ZDHHC2: variants seen among roughly 807,000 people sequenced by gnomAD.
ZDHHC2 encodes zDHHC palmitoyltransferase 2.
In ZDHHC2, 51 loss-of-function variants were observed where a neutral mutation model predicts 55.6. The observed-to-expected ratio is 0.92, with a 90% CI of 0.73 to 1.16. ZDHHC2 has a LOEUF of 1.16. ZDHHC2 is among the 50% of genes most tolerant of loss of function. The probability of loss-of-function intolerance (pLI) is 0.00; values close to 1 mark genes in which losing one functional copy is unlikely to be tolerated. For missense variants in ZDHHC2, 491 were observed against 442.4 expected (o/e 1.11, Z -0.99); for synonymous variants, 199 against 152.9 (o/e 1.30, Z -2.22).
At chr8:17,199,509 T>TTCGTCTTCTTCTTCG (rs1554466016) in intron 6 of ZDHHC2, among the ~76,000 whole-genome samples, 2 of 121,116 alleles carry the variant, frequency 1.7e-5, no homozygotes, top group African/African-American at 7.3e-5. Flanking sequence ...CTTCTTCTTC[T>TTCGTCTTCTTCTTCG]TCTTCGTCTT....
In ZDHHC2 at chr8:17,210,393, G is replaced by GTGAT. The variant is rs1344295270; in HGVS notation, c.864_867dup (p.Gly290Ter). 1 of 1,612,876 alleles carries GTGAT rather than the reference G, an allele frequency of 6.2e-7. No individual in the cohort carries two copies. The highest frequency in any genetic ancestry group is 2.2e-5 in the East Asian group (1 of 44,822). ...AATTTTTATTTTAATTCTAGTCTAG[G>GTGAT]TGATGGCTGCTCCTTTCCAACTTGC... On this transcript the variant is annotated frameshift_variant, in exon 10 of 13. Transcript: ENST00000262096. LOFTEE classifies it high-confidence loss of function.
At chr8:17,217,304 G>A (rs1807696637) in intron 12 of ZDHHC2, 58 bp downstream of exon 12, 3 of 1,208,922 alleles carry the variant, frequency 2.5e-6, no homozygotes, top group Admixed American at 5.0e-5. Flanking sequence ...ATTTTATTAG[G>A]GCAAATAGTT....
At chr8:17,203,778 G>T (rs1488064295) in intron 6 of ZDHHC2, among the ~76,000 whole-genome samples, 1 of 150,898 alleles carries the variant, frequency 6.6e-6, no homozygotes, top group African/African-American at 2.4e-5. Flanking sequence ...TCCATACAAT[G>T]TGCACGCACA....
chr8:17,156,969 C>A (rs1289549813), intron 1 of ZDHHC2, 116 bp downstream of exon 1: 4 of 980,796 alleles, frequency 4.1e-6, no homozygotes, highest in South Asian at 2.4e-5. Flanking sequence ...GCGCTGCCAA[C>A]CTGCCGCGTC....
rs537390111 is a variant in ZDHHC2, at chr8:17,195,198, A to G, written c.253-306A>G. Among the ~76,000 whole-genome samples, 100 of 152,274 alleles carry G rather than the reference A, an allele frequency of 6.6e-4. 1 individual carries two copies. Among genetic ancestry groups the G allele is most frequent in the South Asian group, 6.4e-3 (31 of 4,826 alleles). ...GCCATCTTATCTATCAATGTAACTC[A>G]TATTTTGTTGGAACTCTACGGTTTA... On this transcript the variant is annotated intron_variant, in intron 3 of 12. Transcript: ENST00000262096.
intron 1 of ZDHHC2, among the ~76,000 whole-genome samples, chr8:17,160,841 A>C (rs1206704116): frequency 6.6e-6 from 1 of 152,228 alleles, no homozygotes; most frequent in African/African-American, 2.4e-5. Context: ...AAGATACTTT[A>C]ACAAATGGGC....
rs925011462 is a variant in ZDHHC2, at chr8:17,220,852, G to A, written c.*631G>A. ...TAATTCCAGCCTTTTGTTTTCTGCT[G>A]GAAAATAAGTGTGGACATTGAAGCT... On this transcript the variant is annotated 3_prime_UTR_variant, in exon 13 of 13. Coordinates refer to ENST00000262096, the MANE Select transcript of ZDHHC2 (RefSeq NM_016353.5). 6 of 152,092 alleles carry A rather than the reference G, an allele frequency of 3.9e-5. No homozygotes were observed. Among genetic ancestry groups the A allele is most frequent in the African/African-American group, 7.2e-5 (3 of 41,416 alleles). 9.4% of individuals were successfully genotyped at this position (152,092 alleles called of 1,614,324 possible). A position where few individuals can be genotyped will look rare whatever the true frequency, so the allele number is the denominator to read the frequency against.
intron 1 of ZDHHC2, among the ~76,000 whole-genome samples, chr8:17,175,341 A>G (rs1805077194): frequency 6.6e-6 from 1 of 152,184 alleles, no homozygotes; most frequent in Non-Finnish European, 1.5e-5. Flanking sequence ...TAATTCACCC[A>G]CATTGTAATT....
rs1563161593 is a variant in ZDHHC2 at position 17,199,593 on chromosome 8, T to G, written c.476+1180T>G. 1.8e-3 allele frequency among the ~76,000 whole-genome samples: 88 copies of G among 50,086 alleles called. 10 individuals are homozygous for G. Among genetic ancestry groups the G allele is most frequent in the Non-Finnish European group, 4.6e-3 (60 of 13,126 alleles). The allele number at this position is 50,086 out of a possible 152,430, so 32.9% of individuals were successfully genotyped here. ...GTCTTTGTCTTCTTCTTCTTCTTTC[T>G]TCTTCTTTATTCTTTCTTCTTCTTC... is the stretch of plus-strand genomic sequence containing the variant. On this transcript the variant is annotated intron_variant, in intron 6 of 12. Transcript: ENST00000262096.
intron 3 of ZDHHC2, among the ~76,000 whole-genome samples, chr8:17,195,020 A>G (rs1473006236): frequency 2.6e-5 from 4 of 152,226 alleles, no homozygotes; most frequent in Non-Finnish European, 4.4e-5. Flanking sequence ...ATAAATAATT[A>G]GACCCTTTAG....
At chr8:17,164,375 CA>C (rs776862656) in intron 1 of ZDHHC2, among the ~76,000 whole-genome samples, 11 of 152,158 alleles carry the variant, frequency 7.2e-5, no homozygotes, top group Non-Finnish European at 1.0e-4. Context: ...GATTGGATTA[CA>C]TTTTTAAAAT....
chr8:17,157,750 C>G (rs1317899599), intron 1 of ZDHHC2, among the ~76,000 whole-genome samples: 2 of 152,128 alleles, frequency 1.3e-5, no homozygotes, highest in African/African-American at 4.8e-5. Flanking sequence ...GACCTTTCTG[C>G]CAGTGACTTG....
chr8:17,179,380 T>C (rs1230132626), intron 1 of ZDHHC2, among the ~76,000 whole-genome samples: 1 of 152,166 alleles, frequency 6.6e-6, no homozygotes, highest in African/African-American at 2.4e-5. Context: ...GATTTTAAGA[T>C]GAAGTTCTTT....
rs1429626674 is a variant in ZDHHC2 at position 17,224,443 on chromosome 8, GA to G, written c.*4227del. 6.6e-6 allele frequency: 1 copy of G among 151,464 alleles called. No homozygotes were observed. The allele number at this position is 151,464 out of a possible 1,614,324, so 9.4% of individuals were successfully genotyped here. ...TTATGGCTAGTTCCCTTTTGCTCAG[GA>G]AAAATAGTACTACTTTATGGTTTAT... is the stretch of plus-strand genomic sequence containing the variant. On this transcript the variant is annotated 3_prime_UTR_variant, in exon 13 of 13. Coordinates refer to ENST00000262096, the MANE Select transcript of ZDHHC2 (RefSeq NM_016353.5).
intron 4 of ZDHHC2, 122 bp downstream of exon 4, chr8:17,195,746 C>A: frequency 1.5e-6 from 2 of 1,318,382 alleles, no homozygotes; most frequent in South Asian, 2.8e-5. Flanking sequence ...TGTGTTATTT[C>A]TTGGATTGCT....
At chr8:17,192,779 C>G (rs1317324656) in intron 3 of ZDHHC2, among the ~76,000 whole-genome samples, 1 of 152,170 alleles carries the variant, frequency 6.6e-6, no homozygotes, top group Non-Finnish European at 1.5e-5. Context: ...AGTCTTTAAT[C>G]CATTTTGATT....
chr8:17,181,475 T>C (rs1805430115), intron 1 of ZDHHC2, among the ~76,000 whole-genome samples: 1 of 152,174 alleles, frequency 6.6e-6, no homozygotes, highest in African/African-American at 2.4e-5. Context: ...TAAACCTCAG[T>C]TTTCTGTTGA....
chr8:17,188,471 C>T (rs1238547583), intron 3 of ZDHHC2, among the ~76,000 whole-genome samples: 1 of 152,168 alleles, frequency 6.6e-6, no homozygotes, highest in Non-Finnish European at 1.5e-5. Context: ...TATTTCCTTT[C>T]CAAAATATTC....
At chr8:17,180,315 A>C (rs1422186989) in intron 1 of ZDHHC2, among the ~76,000 whole-genome samples, 6 of 152,204 alleles carry the variant, frequency 3.9e-5, no homozygotes, top group Non-Finnish European at 1.5e-5. Flanking sequence ...AATGAAGACC[A>C]CTTTTTTGGT....
Sources: allele counts gnomAD v4.1 joint callset (sites outside exome capture counted in the v4.1 genomes callset), GRCh38; gene constraint gnomAD v4.1.1; transcripts MANE v1.5; gene names NCBI Gene and HGNC (gene_info 2026-07-23, HGNC 2026-07-21).